CPEB3: variants seen among roughly 807,000 people sequenced by gnomAD.
CPEB3 encodes cytoplasmic polyadenylation element binding protein 3.
CPEB3 carries 20 observed loss-of-function variants against 67.2 expected under a neutral mutation model. That is an observed-to-expected ratio of 0.30 (90% CI 0.21 to 0.43). The LOEUF is 0.43. Among genes scored for constraint, CPEB3 ranks in the 20% least tolerant of loss-of-function variants. The pLI is 1.00. For missense variants in CPEB3, 746 were observed against 968.6 expected, an observed-to-expected ratio of 0.77 and a Z score of 3.05; for synonymous variants, 376 against 393.1, an observed-to-expected ratio of 0.96 and a Z score of 0.51.
At chr10:92,132,766 A>G (rs555913481) in intron 6 of CPEB3, among the ~76,000 whole-genome samples, 1 of 152,326 alleles carries the variant, frequency 6.6e-6, no homozygotes, top group African/African-American at 2.4e-5. Context: ...CATAGTTGGA[A>G]GTAAAGCACT....
chr10:92,191,095 C>CT (rs1564851391), intron 3 of CPEB3, among the ~76,000 whole-genome samples: 1 of 151,954 alleles, frequency 6.6e-6, no homozygotes, highest in African/African-American at 2.4e-5. Flanking sequence ...AAGTCAAAAA[C>CT]TTTTTTTTAA....
At chr10:92,125,698 C>G (rs1845581282) in intron 6 of CPEB3, among the ~76,000 whole-genome samples, 1 of 151,870 alleles carries the variant, frequency 6.6e-6, no homozygotes, top group African/African-American at 2.4e-5. Context: ...TGGCCACATT[C>G]ACAGCTACAT....
intron 7 of CPEB3, among the ~76,000 whole-genome samples, chr10:92,095,849 T>C (rs1843847523): frequency 1.3e-5 from 2 of 151,862 alleles, no homozygotes; most frequent in Admixed American, 1.3e-4. Flanking sequence ...GTTCTGAGTC[T>C]GCAAGGCAGG....
At chr10:92,113,567 T>C (rs1373800107) in intron 6 of CPEB3, among the ~76,000 whole-genome samples, 1 of 152,180 alleles carries the variant, frequency 6.6e-6, no homozygotes, top group Non-Finnish European at 1.5e-5. Context: ...ATATATTGTA[T>C]TATGTACACA....
At chr10:92,085,313 T>C (rs910409225) in intron 8 of CPEB3, among the ~76,000 whole-genome samples, 34 of 152,302 alleles carry the variant, frequency 2.2e-4, no homozygotes, top group Middle Eastern at 3.4e-3. Context: ...GGCGGTCTAA[T>C]AGCTATGGTT....
At chr10:92,063,763 C>CAAA (rs75346884) in intron 9 of CPEB3, among the ~76,000 whole-genome samples, 1 of 134,978 alleles carries the variant, frequency 7.4e-6, no homozygotes, top group Admixed American at 7.5e-5. Flanking sequence ...ACTCAGTATC[C>CAAA]AAAAAAAAAA....
At chr10:92,246,333 CAAAAACAAAAAAAAAAACG>C (rs1309711868) in intron 1 of CPEB3, among the ~76,000 whole-genome samples, 3 of 122,408 alleles carry the variant, frequency 2.5e-5, no homozygotes, top group Non-Finnish European at 5.2e-5. Context: ...GACTCCGTCT[CAAAAACAAAAAAAAAAACG>C]AAAAACAAAA....
At chr10:92,234,964 GACA>G (rs1851458034) in intron 2 of CPEB3, among the ~76,000 whole-genome samples, 1 of 152,100 alleles carries the variant, frequency 6.6e-6, no homozygotes, top group African/African-American at 2.4e-5. Flanking sequence ...AAGCAAGAAT[GACA>G]ATAGTCCTCC....
chr10:92,224,248 C>A (rs1355924475), intron 2 of CPEB3, among the ~76,000 whole-genome samples: 1 of 152,150 alleles, frequency 6.6e-6, no homozygotes, highest in African/African-American at 2.4e-5. Flanking sequence ...GGTTCTCCCA[C>A]GTTAACTGGT....
intron 6 of CPEB3, among the ~76,000 whole-genome samples, chr10:92,121,004 A>G (rs2133609339): frequency 7.1e-6 from 1 of 140,934 alleles, no homozygotes; most frequent in South Asian, 2.1e-4. Flanking sequence ...CCCAGCCTAC[A>G]ACTTACTTTT....
At chr10:92,199,056 A>G (rs1849375272) in intron 2 of CPEB3, among the ~76,000 whole-genome samples, 1 of 152,240 alleles carries the variant, frequency 6.6e-6, no homozygotes, top group African/African-American at 2.4e-5. Flanking sequence ...CAACATATAC[A>G]TGGATAAAAC....
intron 2 of CPEB3, among the ~76,000 whole-genome samples, chr10:92,227,272 G>T (rs990434832): frequency 6.6e-6 from 1 of 152,182 alleles, no homozygotes; most frequent in Non-Finnish European, 1.5e-5. Context: ...ACAAGAACGT[G>T]TAAGGATTAC....
intron 7 of CPEB3, 79 bp downstream of exon 7, chr10:92,110,997 C>T (rs1844711304): frequency 2.9e-6 from 3 of 1,021,852 alleles, no homozygotes; most frequent in African/African-American, 3.1e-5. Flanking sequence ...CCAGCATTTC[C>T]ATTATCAGAA....
intron 9 of CPEB3, among the ~76,000 whole-genome samples, chr10:92,060,458 CAAA>C (rs1554877737): frequency 6.6e-6 from 1 of 152,086 alleles, no homozygotes; most frequent in Non-Finnish European, 1.5e-5. Context: ...TTGGTCTTGG[CAAA>C]AATTTCTTGA....
intron 2 of CPEB3, among the ~76,000 whole-genome samples, chr10:92,219,258 T>C (rs1850584064): frequency 6.6e-6 from 1 of 152,202 alleles, no homozygotes; most frequent in African/African-American, 2.4e-5. Flanking sequence ...CTGTATAAAA[T>C]GGCTGCCCTT....
At position 92,261,271 on chromosome 10, in the gene CPEB3, A is replaced by G. The variant is rs1379852443; in HGVS notation, c.-11-20910T>C. Among the ~76,000 whole-genome samples the G allele has an allele frequency of 2.6e-5, 4 of 152,156 alleles. No individual in the cohort carries two copies. The East Asian group carries it at 7.7e-4, about 29-fold the overall frequency. On this transcript the variant is annotated intron_variant, in intron 1 of 9. Transcript: ENST00000265997. ...TTAACAGCCCTGTGCAGTGAAAGACAGTATAGACAGGATCCTCACATTCAT... is the reference window on the plus strand; with the variant it reads ...TTAACAGCCCTGTGCAGTGAAAGACGGTATAGACAGGATCCTCACATTCAT...
At chr10:92,216,363 C>T (rs1850391349) in intron 2 of CPEB3, 8 of 1,610,692 alleles carry the variant, frequency 5.0e-6, no homozygotes, top group African/African-American at 1.3e-5. Flanking sequence ...CCCGAAGGGC[C>T]CGAGGCTCAG....
intron 1 of CPEB3, among the ~76,000 whole-genome samples, chr10:92,250,858 A>AGTTTTTTTTTTTTTTTTTTT (rs1454105127): frequency 9.6e-6 from 1 of 104,120 alleles, no homozygotes; most frequent in Non-Finnish European, 1.9e-5. Context: ...CACACAGTTA[A>AGTTTTTTTTTTTTTTTTTTT]TTTTTTTTTT....
chr10:92,146,607 A>T (rs1011109068), intron 4 of CPEB3, among the ~76,000 whole-genome samples: 2 of 152,350 alleles, frequency 1.3e-5, no homozygotes, highest in Admixed American at 1.3e-4. Context: ...AAAGTTATTA[A>T]TATAACTCTG....
Sources: allele counts gnomAD v4.1 joint callset (sites outside exome capture counted in the v4.1 genomes callset), GRCh38; gene constraint gnomAD v4.1.1; transcripts MANE v1.5; gene names NCBI Gene and HGNC (gene_info 2026-07-23, HGNC 2026-07-21).